EFNA5: variants seen among roughly 807,000 people sequenced by gnomAD.
The protein encoded by EFNA5 is ephrin A5.
Under a neutral mutation model 22.9 loss-of-function variants are expected in EFNA5, and 5 were observed. The ratio of observed to expected loss-of-function variants is 0.22; its 90% confidence interval spans 0.11 to 0.46. The LOEUF (loss-of-function observed/expected upper bound fraction) is 0.46, where lower values mean the gene tolerates loss of function less well. EFNA5 is among the 20% of genes least tolerant of loss of function. The pLI is 0.99. For synonymous variants in EFNA5, 113 were observed against 112.2 expected, an observed-to-expected ratio of 1.01 and a Z score of -0.04; for missense variants, 237 against 293.3, an observed-to-expected ratio of 0.81 and a Z score of 1.40.
chr5:107,644,207 G>A (rs1193601866), intron 1 of EFNA5, among the ~76,000 whole-genome samples: 1 of 151,954 alleles, frequency 6.6e-6, no homozygotes, highest in East Asian at 1.9e-4. Context: ...GACAATACAG[G>A]GGATGACTTC....
At chr5:107,435,902 T>G (rs191787194) in intron 1 of EFNA5, among the ~76,000 whole-genome samples, 1 of 152,360 alleles carries the variant, frequency 6.6e-6, no homozygotes, top group African/African-American at 2.4e-5. Context: ...TTAAGTTCAG[T>G]AACTGTTGAT....
In EFNA5 at chr5:107,379,547, C is replaced by CAAAAAAAA. The variant is rs10627229; in HGVS notation, c.*1700_*1707dup. 1 of 108,882 alleles carries CAAAAAAAA rather than the reference C, an allele frequency of 9.2e-6. No individual in the cohort carries two copies. The highest frequency in any genetic ancestry group is 1.8e-5 in the Non-Finnish European group (1 of 55,426). 6.7% of individuals were successfully genotyped at this position (108,882 alleles called of 1,614,324 possible). Reference sequence around the variant, plus strand: ...TTTCTGTTGACATGTCGTGCAAAGCCAAAAAAAAAAAAAAAAAAAGGGCTG... The same window carrying CAAAAAAAA: ...TTTCTGTTGACATGTCGTGCAAAGCCAAAAAAAAAAAAAAAAAAAAAAAAAAAGGGCTG... On this transcript the variant is annotated 3_prime_UTR_variant, in exon 5 of 5. Transcript: ENST00000333274.
chr5:107,395,176 T>A (rs560242285), intron 2 of EFNA5, among the ~76,000 whole-genome samples: 6 of 152,008 alleles, frequency 3.9e-5, no homozygotes, highest in Admixed American at 3.9e-4. Context: ...GTAGCTGGGA[T>A]TACAAGTGCA....
At chr5:107,410,960 CGTT>C (rs1237119738) in intron 2 of EFNA5, among the ~76,000 whole-genome samples, 1 of 152,030 alleles carries the variant, frequency 6.6e-6, no homozygotes, top group African/African-American at 2.4e-5. Flanking sequence ...GTCGTGGAGT[CGTT>C]GATTTTTCAT....
chr5:107,465,721 A>G (rs1296835404), intron 1 of EFNA5, among the ~76,000 whole-genome samples: 1 of 152,174 alleles, frequency 6.6e-6, no homozygotes, highest in Non-Finnish European at 1.5e-5. Flanking sequence ...TGGCTAGTCC[A>G]GATTGCTTGC....
rs148144039 is a variant in EFNA5 at position 107,491,938 on chromosome 5, G to A, written c.126-64429C>T. ...CAACCTCCGCCTCCAGGGATCAAGCGATTCTCATGCTTCAGCCTCCCGAGT... is the reference window on the plus strand; with the variant it reads ...CAACCTCCGCCTCCAGGGATCAAGCAATTCTCATGCTTCAGCCTCCCGAGT... On this transcript the variant is annotated intron_variant, in intron 1 of 4. Transcript: ENST00000333274. Among the ~76,000 whole-genome samples, 1,384 of 152,230 alleles carry A rather than the reference G, an allele frequency of 9.1e-3. 29 individuals carry two copies. The highest frequency in any genetic ancestry group is 0.031 in the African/African-American group (1,301 of 41,520).
rs560810478 is a variant in EFNA5 at position 107,618,667 on chromosome 5, C to T, written c.125+51822G>A. On this transcript the variant is annotated intron_variant, in intron 1 of 4. Coordinates refer to ENST00000333274, the MANE Select transcript of EFNA5 (RefSeq NM_001962.3). ...GAAGGAAAATAACCACTTTTGTCTGCTATTTTGGAGAAAACTTATACAAAA... is the reference window on the plus strand; with the variant it reads ...GAAGGAAAATAACCACTTTTGTCTGTTATTTTGGAGAAAACTTATACAAAA... Among the ~76,000 whole-genome samples the T allele has an allele frequency of 8.5e-5, 13 of 152,258 alleles. No homozygotes were observed. In the South Asian group the frequency reaches 2.3e-3, roughly 27 times the overall value.
chr5:107,582,459 G>A (rs1376508255), intron 1 of EFNA5, among the ~76,000 whole-genome samples: 1 of 152,132 alleles, frequency 6.6e-6, no homozygotes, highest in East Asian at 1.9e-4. Context: ...TGGACCTCCT[G>A]AAGATGCTAA....
intron 1 of EFNA5, among the ~76,000 whole-genome samples, chr5:107,613,553 A>C (rs1353772588): frequency 1.3e-5 from 2 of 152,126 alleles, no homozygotes; most frequent in Admixed American, 6.5e-5. Context: ...GAGTGAAATA[A>C]ATTAAAAACA....
At chr5:107,480,896 C>G (rs1750441146) in intron 1 of EFNA5, among the ~76,000 whole-genome samples, 1 of 117,260 alleles carries the variant, frequency 8.5e-6, no homozygotes, top group Non-Finnish European at 1.9e-5. Flanking sequence ...TTGGAAATAA[C>G]AGGTCTGAAC....
chr5:107,423,069 A>G (rs1473587470), intron 2 of EFNA5, among the ~76,000 whole-genome samples: 1 of 152,214 alleles, frequency 6.6e-6, no homozygotes, highest in African/African-American at 2.4e-5. Context: ...AAAATATAAT[A>G]AAATTAGGAT....
At chr5:107,464,927 A>G (rs1749932582) in intron 1 of EFNA5, among the ~76,000 whole-genome samples, 1 of 152,160 alleles carries the variant, frequency 6.6e-6, no homozygotes, top group African/African-American at 2.4e-5. Context: ...CCTCTGCCTG[A>G]AGAGGTAAAT....
intron 1 of EFNA5, among the ~76,000 whole-genome samples, chr5:107,648,836 A>C (rs1393166481): frequency 6.6e-6 from 1 of 152,200 alleles, no homozygotes; most frequent in Non-Finnish European, 1.5e-5. Context: ...TCATGTTTGA[A>C]AGTAAAAAAG....
chr5:107,406,179 T>C (rs541081381), intron 2 of EFNA5, among the ~76,000 whole-genome samples: 2 of 149,104 alleles, frequency 1.3e-5, no homozygotes, highest in African/African-American at 4.9e-5. Flanking sequence ...TTTATATACA[T>C]AGAATGTATA....
chr5:107,415,749 T>C (rs1415924268), intron 2 of EFNA5, among the ~76,000 whole-genome samples: 4 of 152,230 alleles, frequency 2.6e-5, no homozygotes, highest in African/African-American at 9.6e-5. Flanking sequence ...CAAAGATGTA[T>C]AGTAACTGCA....
chr5:107,566,552 T>C (rs1438474106), intron 1 of EFNA5, among the ~76,000 whole-genome samples: 1 of 152,210 alleles, frequency 6.6e-6, no homozygotes, highest in African/African-American at 2.4e-5. Context: ...AATGATATTT[T>C]AAAACACGTA....
At chr5:107,477,766 AT>A (rs1274932726) in intron 1 of EFNA5, among the ~76,000 whole-genome samples, 3 of 151,914 alleles carry the variant, frequency 2.0e-5, no homozygotes, top group Non-Finnish European at 2.9e-5. Flanking sequence ...ACAATATATT[AT>A]TTTTTTTAAG....
chr5:107,471,961 C>A (rs533799796), intron 1 of EFNA5, among the ~76,000 whole-genome samples: 1 of 152,122 alleles, frequency 6.6e-6, no homozygotes, highest in African/African-American at 2.4e-5. Context: ...CATGTCCATA[C>A]GTTTTAGAAA....
At chr5:107,544,001 T>C (rs951721580) in intron 1 of EFNA5, among the ~76,000 whole-genome samples, 7 of 152,120 alleles carry the variant, frequency 4.6e-5, no homozygotes, top group Admixed American at 6.5e-5. Context: ...TTCTGGGCAG[T>C]CCAGGTATTT....
Sources: gnomAD v4.1 joint callset for allele counts (sites outside exome capture counted in the v4.1 genomes callset) on GRCh38, gnomAD v4.1.1 for gene constraint, MANE v1.5 for transcripts, NCBI Gene and HGNC (gene_info 2026-07-23, HGNC 2026-07-21) for gene names.